SCYL3: variants seen among roughly 807,000 people sequenced by gnomAD.
SCYL3 encodes protein-associating with the carboxyl-terminal domain of ezrin.
A neutral mutation model predicts 73.8 loss-of-function variants in SCYL3; 35 were observed. The observed-to-expected ratio is 0.47, with a 90% confidence interval of 0.36 to 0.63. The LOEUF (loss-of-function observed/expected upper bound fraction) is 0.63. Ranked by LOEUF, SCYL3 falls within the 20% of genes least tolerant of loss-of-function variation. SCYL3 has a pLI of 0.00. For synonymous variants in SCYL3, 277 were observed against 295.2 expected, an observed-to-expected ratio of 0.94 and a Z score of 0.63; for missense variants, 712 against 798.9, an observed-to-expected ratio of 0.89 and a Z score of 1.31.
rs1390169856 is a variant in SCYL3, at chr1:169,864,467, A to G, written c.857T>C (p.Ile286Thr). The change falls in exon 9 of 13, where the codon ATA becomes ACA. Residue 286 changes from isoleucine (I) to threonine (T), a missense_variant. This residue lies in a region of SCYL3 where 342 missense variants were observed against 448.1 expected (regional missense o/e 0.76). Transcript: ENST00000367771. The part of the protein sequence containing the change: ...DRVSCLSEEL[I>T]ASRLVPLLLN... ...CAGAAGAGGCACCAACCTTGAAGCT[A>G]TCAATTCCTCTGACAAGCAGCTGAC... 1.4e-5 allele frequency: 22 copies of G among 1,610,792 alleles called. No homozygotes were observed. The highest frequency in any genetic ancestry group is 1.6e-5 in the Non-Finnish European group (19 of 1,179,146).
chr1:169,858,806 A>G (rs1659397282), intron 11 of SCYL3, among the ~76,000 whole-genome samples: 1 of 152,142 alleles, frequency 6.6e-6, no homozygotes, highest in East Asian at 1.9e-4. Flanking sequence ...TATGTGGTAC[A>G]TGACTCTCTA....
chr1:169,883,955 T>C (rs1409743131), intron 2 of SCYL3, among the ~76,000 whole-genome samples: 1 of 151,784 alleles, frequency 6.6e-6, no homozygotes, highest in East Asian at 1.9e-4. Context: ...CTCCTGACCT[T>C]GTGATCCACC....
intron 6 of SCYL3, among the ~76,000 whole-genome samples, chr1:169,869,894 A>G (rs1476133117): frequency 1.3e-5 from 2 of 152,252 alleles, no homozygotes; most frequent in Non-Finnish European, 2.9e-5. Context: ...TTACCCTATT[A>G]TTCAGATTAT....
At position 169,862,756 on chromosome 1, in the gene SCYL3, G is replaced by C. The variant is rs1171730300; in HGVS notation, c.997C>G (p.Leu333Val). ...GETPCLLSPA[L>V]FQSRVIPVLL... is the part of the protein sequence containing the mutation. ...ACGGGGATCACCCGTGACTGGAACA[G>C]GGCTGGTGAGAGCAAGCAAGGAGTT... The change falls in exon 10 of 13, where the codon CTG becomes GTG. Residue 333 changes from leucine to valine, a missense_variant. Transcript: ENST00000367771. 5 of 1,614,106 alleles carry C rather than the reference G, an allele frequency of 3.1e-6. No homozygotes were observed. Among genetic ancestry groups the C allele is most frequent in the Non-Finnish European group, 2.5e-6 (3 of 1,180,052 alleles).
chr1:169,853,152 G>T lies in SCYL3; in HGVS notation c.*561C>A. ...GGATTGTGGGGAATATTCTTATTAAGAACTTTGGTACAATGTACTACATGT... is the reference window on the plus strand; with the variant it reads ...GGATTGTGGGGAATATTCTTATTAATAACTTTGGTACAATGTACTACATGT... On this transcript the variant is annotated 3_prime_UTR_variant, in exon 13 of 13. Transcript: ENST00000367771. The T allele has an allele frequency of 2.8e-6, 2 of 707,916 alleles. No homozygotes were observed. The highest frequency in any genetic ancestry group is 4.7e-6 in the Non-Finnish European group (2 of 426,828). The allele number at this position is 707,916 out of a possible 1,614,324, so 43.9% of individuals were successfully genotyped here.
At chr1:169,876,886 T>C (rs1033685407) in intron 3 of SCYL3, among the ~76,000 whole-genome samples, 5 of 120,070 alleles carry the variant, frequency 4.2e-5, no homozygotes, top group South Asian at 5.4e-4. Context: ...ACCCGGGAGG[T>C]GGAGCTTGCA....
At chr1:169,882,389 C>A (rs1050237649) in intron 2 of SCYL3, among the ~76,000 whole-genome samples, 3 of 152,210 alleles carry the variant, frequency 2.0e-5, no homozygotes, top group Non-Finnish European at 4.4e-5. Context: ...GCCTGAGCCT[C>A]CCACCCCTCC....
rs373205303 is a variant in SCYL3 at position 169,868,295 on chromosome 1, G to A, written c.737+633C>T. On this transcript the variant is annotated intron_variant, in intron 7 of 12. Coordinates refer to ENST00000367771, the MANE Select transcript of SCYL3 (RefSeq NM_020423.7). Reference sequence around the variant, plus strand: ...TTAGTTTTAAAACTAACATAAGGTTGGCTTTGCTAATAGAAGTCATGAATA... The same window carrying A: ...TTAGTTTTAAAACTAACATAAGGTTAGCTTTGCTAATAGAAGTCATGAATA... 6.6e-5 allele frequency among the ~76,000 whole-genome samples: 10 copies of A among 152,258 alleles called. No homozygotes were observed. In the East Asian group the frequency reaches 1.2e-3, roughly 18 times the overall value.
intron 2 of SCYL3, among the ~76,000 whole-genome samples, chr1:169,887,078 C>T (rs559414255): frequency 6.6e-6 from 1 of 152,188 alleles, no homozygotes; most frequent in East Asian, 1.9e-4. Flanking sequence ...AGTGCTATGA[C>T]CTAGTTTTTT....
intron 7 of SCYL3, among the ~76,000 whole-genome samples, chr1:169,867,422 T>C (rs1660107558): frequency 6.6e-6 from 1 of 152,238 alleles, no homozygotes; most frequent in South Asian, 2.1e-4. Flanking sequence ...TGTAAGTTAC[T>C]TGGTCATTCT....
Position 169,852,775 on chromosome 1 carries a change from A to ATGTT in SCYL3, c.*934_*937dup. ...TAGAATGGATATTGTGATATTACTT[A>ATGTT]TGTTTTTTTTCCAGCCTTATGCAAA... On this transcript the variant is annotated 3_prime_UTR_variant, in exon 13 of 13. Transcript: ENST00000367771. The ATGTT allele has an allele frequency of 1.2e-6, 2 of 1,612,198 alleles. No homozygotes were observed. Among genetic ancestry groups the ATGTT allele is most frequent in the East Asian group, 4.5e-5 (2 of 44,862 alleles).
intron 2 of SCYL3, among the ~76,000 whole-genome samples, chr1:169,880,982 G>C (rs185052785): frequency 8.3e-4 from 126 of 152,212 alleles, no homozygotes; most frequent in Admixed American, 1.5e-3. Flanking sequence ...GGCTGCTCTC[G>C]AATTCCTGAC....
In SCYL3 at chr1:169,875,950, A is replaced by G. The variant is rs1338957043; in HGVS notation, c.465+28T>C. ...ACCAAGACGCTATTAAAAACCAAGT[A>G]AGGAAGGGGGGCTGTCCCCTGGCTT... On this transcript the variant is annotated intron_variant, in intron 4 of 12. Transcript: ENST00000367771. 2.0e-6 allele frequency: 3 copies of G among 1,476,842 alleles called. No homozygotes were observed. The South Asian group carries it at 3.6e-5, about 18-fold the overall frequency. The allele number at this position is 1,476,842 out of a possible 1,614,324, so 91.5% of individuals were successfully genotyped here. A position where few individuals can be genotyped will look rare whatever the true frequency, so the allele number is the denominator to read the frequency against.
At chr1:169,893,964 G>A (rs1662279009), upstream of SCYL3, 1 of 152,374 alleles carries the variant, frequency 6.6e-6, no homozygotes, top group Admixed American at 6.5e-5. Flanking sequence ...GGGACAGAAG[G>A]CCCACCTTCC....
At position 169,867,506 on chromosome 1, in the gene SCYL3, T is replaced by C. The variant is rs180699120; in HGVS notation, c.738-533A>G. ...GGCTGCCAGAGAATTCCAAAGGCTG[T>C]GCACTGCTCAGCTCACACCCTACTG... On this transcript the variant is annotated intron_variant, in intron 7 of 12. Transcript: ENST00000367771. Among the ~76,000 whole-genome samples the C allele has an allele frequency of 3.7e-3, 556 of 152,306 alleles. 4 individuals are homozygous for C. The highest frequency in any genetic ancestry group is 0.013 in the African/African-American group (541 of 41,554).
intron 11 of SCYL3, among the ~76,000 whole-genome samples, chr1:169,858,164 T>G (rs1254351156): frequency 6.6e-6 from 1 of 152,254 alleles, no homozygotes; most frequent in Non-Finnish European, 1.5e-5. Context: ...ACTGTTTGAC[T>G]TTTTTGTAAT....
At chr1:169,868,849 C>T in intron 7 of SCYL3, 79 bp downstream of exon 7, 1 of 954,932 alleles carries the variant, frequency 1.0e-6, no homozygotes, top group Non-Finnish European at 1.6e-6. Flanking sequence ...AAAAACCCCC[C>T]ACTGCCACTT....
intron 2 of SCYL3, among the ~76,000 whole-genome samples, chr1:169,884,041 A>G (rs1435875731): frequency 1.3e-5 from 2 of 152,024 alleles, no homozygotes; most frequent in African/African-American, 4.8e-5. Flanking sequence ...TTATTTTCTT[A>G]TAATAATCTC....
chr1:169,862,244 A>C (rs1235148306), intron 10 of SCYL3, among the ~76,000 whole-genome samples: 1 of 152,254 alleles, frequency 6.6e-6, no homozygotes, highest in Non-Finnish European at 1.5e-5. Flanking sequence ...GTGGCTGATA[A>C]CAACAGGCTG....
Sources: allele counts gnomAD v4.1 joint callset (sites outside exome capture counted in the v4.1 genomes callset), GRCh38; gene constraint gnomAD v4.1.1; regional missense constraint gnomAD v4.1.1; transcripts MANE v1.5; gene names NCBI Gene and HGNC (gene_info 2026-07-23, HGNC 2026-07-21).